The following MARF1 variants were observed in gnomAD, a reference collection of about 807,000 sequenced individuals.
The protein encoded by MARF1 is meiosis regulator and mRNA stability factor 1.
In MARF1, 24 loss-of-function variants were observed where a neutral mutation model predicts 168.2. That is an observed-to-expected ratio of 0.14 (90% CI 0.10 to 0.20). MARF1 has a LOEUF of 0.20. Among genes scored for constraint, MARF1 ranks in the 10% least tolerant of loss-of-function variants. The pLI, the probability that MARF1 is intolerant of heterozygous loss-of-function variation, is 1.00. For synonymous variants in MARF1, 868 were observed against 822.4 expected (o/e 1.06, Z -0.95); for missense variants, 1,744 against 2,143.6 (o/e 0.81, Z 3.68).
intron 13 of MARF1, among the ~76,000 whole-genome samples, chr16:15,620,094 G>A (rs774381049): frequency 2.0e-5 from 3 of 152,180 alleles, no homozygotes; most frequent in Admixed American, 6.5e-5. Context: ...GAACTTGTGA[G>A]GCAGAGGTTG....
intron 25 of MARF1, among the ~76,000 whole-genome samples, chr16:15,599,327 A>G (rs750050365): frequency 4.6e-5 from 7 of 152,110 alleles, no homozygotes; most frequent in African/African-American, 1.2e-4. Context: ...AAGAGAAGGG[A>G]CAGCCTGAGA....
At position 15,629,178 on chromosome 16, in the gene MARF1, G is replaced by A. The variant is rs148654255; in HGVS notation, c.1524+1154C>T. ...GGCCTTCAAAGTTAGAAAAGTGACC[G>A]TCAAACAGAAGCAGAAGGGAAGAAA... On this transcript the variant is annotated intron_variant, in intron 7 of 26. Coordinates refer to ENST00000396368, the MANE Select transcript of MARF1 (RefSeq NM_014647.4). Among the ~76,000 whole-genome samples, 1,364 of 151,986 alleles carry A rather than the reference G, an allele frequency of 9.0e-3. 73 individuals are homozygous for A. Among genetic ancestry groups the A allele is most frequent in the Admixed American group, 0.081 (1,231 of 15,270 alleles).
Position 15,594,445 on chromosome 16 carries a change from C to T in MARF1, c.*2248G>A, listed in dbSNP as rs1314217637. Reference sequence around the variant, plus strand: ...TTTGGTCCCAACACACAAAACAGCACTTGAACCACAACAAAAGTGTTCAAA... The same window carrying T: ...TTTGGTCCCAACACACAAAACAGCATTTGAACCACAACAAAAGTGTTCAAA... On this transcript the variant is annotated 3_prime_UTR_variant, in exon 27 of 27. Coordinates refer to ENST00000396368, the MANE Select transcript of MARF1 (RefSeq NM_014647.4). 3 of 152,736 alleles carry T rather than the reference C, an allele frequency of 2.0e-5. No homozygotes were observed. The highest frequency in any genetic ancestry group is 2.0e-4 in the Admixed American group (3 of 15,300). The allele number at this position is 152,736 out of a possible 1,614,324, so 9.5% of individuals were successfully genotyped here. A position where few individuals can be genotyped will look rare whatever the true frequency, so the allele number is the denominator to read the frequency against.
intron 12 of MARF1, 24 bp downstream of exon 12, chr16:15,621,709 A>C (rs1259894218): frequency 1.3e-6 from 2 of 1,597,130 alleles, no homozygotes; most frequent in African/African-American, 2.7e-5. Flanking sequence ...ATTTCCTGAA[A>C]TAAACAGCTT....
At position 15,636,229 on chromosome 16, in the gene MARF1, A is replaced by G; in HGVS notation, c.258T>C (p.Leu86=). 3.1e-6 allele frequency: 5 copies of G among 1,614,246 alleles called. No individual in the cohort carries two copies. The highest frequency in any genetic ancestry group is 4.2e-6 in the Non-Finnish European group (5 of 1,180,034). ...PAVPLPDIRS[L]QQPKIQLSSV... ...AAGAAAGCTGTATTTTAGGCTGCTG[A>G]AGAGAACGAATATCAGGAAGTGGGA... The change falls in exon 3 of 27, where the codon CTT becomes CTC. Residue 86 remains leucine (L), a synonymous_variant. Transcript: ENST00000396368.
At chr16:15,601,713 C>T (rs1310243943) in intron 23 of MARF1, 2 of 528,480 alleles carry the variant, frequency 3.8e-6, no homozygotes, top group East Asian at 6.5e-5. Flanking sequence ...TGACTAGTTG[C>T]CTGCTTGGGG....
At position 15,608,303 on chromosome 16, in the gene MARF1, G is replaced by A; in HGVS notation, c.4170C>T (p.Cys1390=). 1.3e-6 allele frequency: 2 copies of A among 1,551,366 alleles called. No homozygotes were observed. Among genetic ancestry groups the A allele is most frequent in the Non-Finnish European group, 1.8e-6 (2 of 1,124,910 alleles). The change falls in exon 21 of 27, where the codon TGC becomes TGT. Residue 1390 remains cysteine (C), a synonymous_variant. Transcript: ENST00000396368. The part of the protein sequence containing the change: ...SSISALTQKL[C]HVVKVADIES... ...AAAAAACATTTACCTTCACGACATG[G>A]CAGAGTTTCTGAGTTAAAGCCGAAA...
Position 15,625,108 on chromosome 16 carries a change from C to T in MARF1, c.2019G>A (p.Arg673=), listed in dbSNP as rs747524655. The change falls in exon 9 of 27, where the codon AGG becomes AGA. Residue 673 remains arginine (R), a synonymous_variant. Coordinates refer to ENST00000396368, the MANE Select transcript of MARF1 (RefSeq NM_014647.4). ...RNSEHQQGHL[R]LVVPTHGNSS... is the part of the protein sequence containing the mutation. The stretch of plus-strand genomic sequence containing the variant: ...AGTTACCGTGAGTGGGTACGACCAG[C>T]CTCAGGTGACCTTGCTGGTGCTCAC... The T allele has an allele frequency of 6.2e-7, 1 of 1,614,170 alleles. No individual in the cohort carries two copies. Among genetic ancestry groups the T allele is most frequent in the Non-Finnish European group, 8.5e-7 (1 of 1,180,038 alleles).
chr16:15,609,133 G>A (rs1473101006), intron 20 of MARF1, among the ~76,000 whole-genome samples: 1 of 152,148 alleles, frequency 6.6e-6, no homozygotes, highest in Non-Finnish European at 1.5e-5. Context: ...CCAGCTACTC[G>A]GGAGGTTGAG....
intron 6 of MARF1, among the ~76,000 whole-genome samples, chr16:15,630,931 G>GGTCAGGAGTTTGAA (rs1422689695): frequency 1.2e-4 from 18 of 152,146 alleles, no homozygotes; most frequent in African/African-American, 3.9e-4. Flanking sequence ...AGGAGTTTGA[G>GGTCAGGAGTTTGAA]ACCAGCCTGA....
chr16:15,603,538 A>G (rs2032719949), intron 22 of MARF1, among the ~76,000 whole-genome samples: 1 of 151,972 alleles, frequency 6.6e-6, no homozygotes, highest in Non-Finnish European at 1.5e-5. Context: ...TTCAATTGTT[A>G]TCTCACTTGG....
At chr16:15,616,965 T>C (rs1174980818) in intron 15 of MARF1, 87 bp downstream of exon 15, 10 of 1,478,372 alleles carry the variant, frequency 6.8e-6, no homozygotes, top group Non-Finnish European at 9.2e-6. Flanking sequence ...AGTACTTATT[T>C]GTAAAGAGAT....
Position 15,601,973 on chromosome 16 carries a change from G to T in MARF1, c.4626+18C>A. On this transcript the variant is annotated intron_variant, in intron 23 of 26. Transcript: ENST00000396368. ...CTGTTCAGAAGATGCTCTCCCGGAAGCTGAGAAAAATGCCCACCTGTGGAA... is the reference window on the plus strand; with the variant it reads ...CTGTTCAGAAGATGCTCTCCCGGAATCTGAGAAAAATGCCCACCTGTGGAA... 6.2e-7 allele frequency: 1 copy of T among 1,607,354 alleles called. No homozygotes were observed. The highest frequency in any genetic ancestry group is 8.5e-7 in the Non-Finnish European group (1 of 1,173,844).
chr16:15,629,706 G>A (rs762796912), intron 7 of MARF1, among the ~76,000 whole-genome samples: 19 of 152,154 alleles, frequency 1.2e-4, no homozygotes, highest in Non-Finnish European at 8.8e-5. Context: ...GCCCAGCACT[G>A]CAATAAACAT....
chr16:15,597,248 C>G (rs2031811765), intron 26 of MARF1, among the ~76,000 whole-genome samples: 1 of 152,198 alleles, frequency 6.6e-6, no homozygotes, highest in Non-Finnish European at 1.5e-5. Context: ...CCCATTCATT[C>G]TGCCTGCCAG....
In MARF1 at chr16:15,612,653, T is replaced by C. The variant is rs1290765138; in HGVS notation, c.3378A>G (p.Pro1126=). 1.2e-6 allele frequency: 2 copies of C among 1,613,978 alleles called. No homozygotes were observed. The highest frequency in any genetic ancestry group is 2.7e-5 in the African/African-American group (2 of 74,892). Reference sequence around the variant, plus strand: ...GCTTTGCAAAATGATGGTGATAGGATGGGATGAAATGACTGATGGGTATGA... The same window carrying C: ...GCTTTGCAAAATGATGGTGATAGGACGGGATGAAATGACTGATGGGTATGA... ...SCVIPISHFI[P]SYHHHFAKQC... The change falls in exon 17 of 27, where the codon CCA becomes CCG. Residue 1126 remains proline (P), a synonymous_variant. Coordinates refer to ENST00000396368, the MANE Select transcript of MARF1 (RefSeq NM_014647.4).
chr16:15,602,471 G>C, intron 22 of MARF1: 1 of 593,452 alleles, frequency 1.7e-6, no homozygotes, highest in Non-Finnish European at 3.0e-6. Context: ...CAAAGATGAA[G>C]ACAAAGAACA....
Position 15,594,760 on chromosome 16 carries a change from A to T in MARF1, c.*1933T>A, listed in dbSNP as rs1198620613. The stretch of plus-strand genomic sequence containing the variant: ...ATGTGCTTCCGAAGTCTTCTCTCTC[A>T]TTTTCAGACAGCAATTGTTAAGAGT... On this transcript the variant is annotated 3_prime_UTR_variant, in exon 27 of 27. Transcript: ENST00000396368. 6.6e-6 allele frequency: 1 copy of T among 152,618 alleles called. No homozygotes were observed. Among genetic ancestry groups the T allele is most frequent in the Non-Finnish European group, 1.5e-5 (1 of 68,050 alleles). 9.5% of individuals were successfully genotyped at this position (152,618 alleles called of 1,614,324 possible).
At chr16:15,625,240 A>T (rs1025279951) in intron 8 of MARF1, 67 bp from the exon 9 acceptor site, 10 of 1,577,930 alleles carry the variant, frequency 6.3e-6, no homozygotes, top group Non-Finnish European at 8.6e-6. Flanking sequence ...TCCTTTACAG[A>T]AAACGATTGA....
Sources: gnomAD v4.1 joint callset for allele counts (sites outside exome capture counted in the v4.1 genomes callset) on GRCh38, gnomAD v4.1.1 for gene constraint, MANE v1.5 for transcripts, NCBI Gene and HGNC (gene_info 2026-07-23, HGNC 2026-07-21) for gene names.